GPR158: variants seen among roughly 807,000 people sequenced by gnomAD.
GPR158 encodes G protein-coupled receptor 158, also known as metabotropic glycine receptor.
Under a neutral mutation model 78.2 loss-of-function variants are expected in GPR158, and 30 were observed. The observed-to-expected ratio is 0.38, with a 90% confidence interval of 0.29 to 0.52. GPR158 has a LOEUF of 0.52. Ranked by LOEUF, GPR158 falls within the 20% of genes least tolerant of loss-of-function variation. The pLI is 0.83. For missense variants in GPR158, 1,463 were observed against 1,523.5 expected, an observed-to-expected ratio of 0.96 and a Z score of 0.66; for synonymous variants, 581 against 591.1, an observed-to-expected ratio of 0.98 and a Z score of 0.25.
intron 2 of GPR158, among the ~76,000 whole-genome samples, chr10:25,301,079 T>C (rs911092710): frequency 6.6e-6 from 1 of 152,182 alleles, no homozygotes; most frequent in Admixed American, 6.5e-5. Flanking sequence ...AACATAAGCT[T>C]TATGTGATAA....
At chr10:25,228,457 A>G (rs561222965) in intron 2 of GPR158, among the ~76,000 whole-genome samples, 1 of 152,174 alleles carries the variant, frequency 6.6e-6, no homozygotes, top group Non-Finnish European at 1.5e-5. Flanking sequence ...TCCAAATAAT[A>G]TTATACCATT....
chr10:25,441,685 C>A (rs536510823), intron 4 of GPR158, among the ~76,000 whole-genome samples: 3 of 152,118 alleles, frequency 2.0e-5, no homozygotes, highest in Non-Finnish European at 4.4e-5. Context: ...TGGTATACCT[C>A]CAAGATTGGG....
intron 4 of GPR158, among the ~76,000 whole-genome samples, chr10:25,417,937 C>A (rs1296675312): frequency 6.6e-6 from 1 of 152,068 alleles, no homozygotes; most frequent in East Asian, 1.9e-4. Flanking sequence ...ATATGTGCAC[C>A]GTATGTCATT....
intron 2 of GPR158, among the ~76,000 whole-genome samples, chr10:25,326,028 G>A (rs961127210): frequency 6.6e-6 from 1 of 151,948 alleles, no homozygotes. Context: ...GTGCCATGAT[G>A]GTTTGCTGCA....
intron 2 of GPR158, among the ~76,000 whole-genome samples, chr10:25,376,129 T>C (rs1031756573): frequency 6.6e-6 from 1 of 151,518 alleles, no homozygotes; most frequent in Non-Finnish European, 1.5e-5. Context: ...TCATTTTCTT[T>C]TGGGTGATTA....
chr10:25,345,169 A>T (rs1855356247), intron 2 of GPR158, among the ~76,000 whole-genome samples: 1 of 151,992 alleles, frequency 6.6e-6, no homozygotes, highest in Non-Finnish European at 1.5e-5. Context: ...CAGAACATCT[A>T]ATCCGTTCCC....
chr10:25,510,226 T>C (rs1393435342), intron 5 of GPR158, among the ~76,000 whole-genome samples: 1 of 152,198 alleles, frequency 6.6e-6, no homozygotes, highest in East Asian at 1.9e-4. Context: ...ATTCTGTTGG[T>C]AATGAAGAAG....
chr10:25,244,106 C>A (rs1348899774), intron 2 of GPR158: 1 of 152,088 alleles, frequency 6.6e-6, no homozygotes, highest in Non-Finnish European at 1.5e-5. Context: ...TTTCTATACA[C>A]ATGTTTATAG....
intron 2 of GPR158, among the ~76,000 whole-genome samples, chr10:25,355,729 A>T (rs35297965): frequency 0.1 from 15,137 of 151,978 alleles, 1,855 homozygotes; most frequent in African/African-American, 0.3. Context: ...GGTTACTGTA[A>T]TCTTTTGGCA....
chr10:25,361,984 T>G (rs1164542322), intron 2 of GPR158, among the ~76,000 whole-genome samples: 2 of 151,962 alleles, frequency 1.3e-5, no homozygotes, highest in African/African-American at 4.8e-5. Flanking sequence ...CTTGATTTAG[T>G]CTCATTTGTT....
intron 4 of GPR158, among the ~76,000 whole-genome samples, chr10:25,419,702 A>C (rs1353352070): frequency 1.3e-5 from 2 of 152,120 alleles, no homozygotes; most frequent in Non-Finnish European, 2.9e-5. Flanking sequence ...TAGCCATCTT[A>C]ATGAGTGTGA....
At chr10:25,367,835 A>G (rs1588828365) in intron 2 of GPR158, among the ~76,000 whole-genome samples, 1 of 148,820 alleles carries the variant, frequency 6.7e-6, no homozygotes. Context: ...TGATATTAAT[A>G]TAGTTGCACA....
In GPR158 at chr10:25,447,890, A is replaced by G. The variant is rs367894050; in HGVS notation, c.1336-18761A>G. 3.3e-5 allele frequency among the ~76,000 whole-genome samples: 5 copies of G among 152,276 alleles called. No individual in the cohort carries two copies. The East Asian group carries it at 7.7e-4, about 24-fold the overall frequency. On this transcript the variant is annotated intron_variant, in intron 4 of 10. Transcript: ENST00000376351. Reference sequence around the variant, plus strand: ...ACACACCTACATAACCCACATGTCTATGAAGATGTGGAAGTCTCCATTAGC... The same window carrying G: ...ACACACCTACATAACCCACATGTCTGTGAAGATGTGGAAGTCTCCATTAGC...
chr10:25,350,771 T>G (rs1588816549), intron 2 of GPR158, among the ~76,000 whole-genome samples: 1 of 151,996 alleles, frequency 6.6e-6, no homozygotes, highest in South Asian at 2.1e-4. Context: ...TGGTGACCCC[T>G]CCTCCTTTTG....
chr10:25,188,926 C>T lies in GPR158; in HGVS notation c.902+12604C>T, dbSNP rs188913309. ...ATCCAGAATCTACAAAGAACTCAAA[C>T]AAATTTACAAGAAAAAAACAAACAA... On this transcript the variant is annotated intron_variant, in intron 1 of 10. Transcript: ENST00000376351. Among the ~76,000 whole-genome samples, 21 of 152,140 alleles carry T rather than the reference C, an allele frequency of 1.4e-4. No individual in the cohort carries two copies. In the East Asian group the frequency reaches 4.1e-3, roughly 29 times the overall value.
chr10:25,190,487 C>T (rs764214932), intron 1 of GPR158, among the ~76,000 whole-genome samples: 4 of 152,056 alleles, frequency 2.6e-5, no homozygotes, highest in Non-Finnish European at 5.9e-5. Flanking sequence ...TGTGCACCAC[C>T]ATGCCCGGCT....
At chr10:25,498,605 G>A (rs947785796) in intron 5 of GPR158, among the ~76,000 whole-genome samples, 9 of 152,248 alleles carry the variant, frequency 5.9e-5, no homozygotes, top group East Asian at 5.8e-4. Flanking sequence ...GCACAATATC[G>A]GAGCTAGTTT....
chr10:25,340,322 C>T (rs1200641109), intron 2 of GPR158, among the ~76,000 whole-genome samples: 1 of 152,010 alleles, frequency 6.6e-6, no homozygotes, highest in Non-Finnish European at 1.5e-5. Flanking sequence ...CATTAATGAC[C>T]AGAAGTGGGG....
intron 5 of GPR158, among the ~76,000 whole-genome samples, chr10:25,550,149 C>T (rs1325171263): frequency 1.3e-5 from 2 of 152,150 alleles, no homozygotes; most frequent in Non-Finnish European, 2.9e-5. Flanking sequence ...ATTGGCCGCT[C>T]GTTTCTTTGT....
Sources: allele counts gnomAD v4.1 joint callset (sites outside exome capture counted in the v4.1 genomes callset), GRCh38; gene constraint gnomAD v4.1.1; transcripts MANE v1.5; gene names NCBI Gene and HGNC (gene_info 2026-07-23, HGNC 2026-07-21).